Variants in LDLRAD4 observed in about 807,000 individuals in gnomAD.
LDLRAD4 encodes the protein low-density lipoprotein receptor class A domain-containing protein 4.
A neutral mutation model predicts 17.0 loss-of-function variants in LDLRAD4; 5 were observed. The ratio of observed to expected loss-of-function variants is 0.29; its 90% CI spans 0.15 to 0.62. The LOEUF is 0.62. Ranked by LOEUF, LDLRAD4 falls within the 20% of genes least tolerant of loss-of-function variation. LDLRAD4 has a pLI of 0.84. For missense variants in LDLRAD4, 340 were observed against 424.7 expected (o/e 0.80, Z 1.75); for synonymous variants, 168 against 171.8 (o/e 0.98, Z 0.17).
intron 1 of LDLRAD4, among the ~76,000 whole-genome samples, chr18:13,320,433 C>G (rs952440791): frequency 2.6e-5 from 4 of 152,194 alleles, no homozygotes; most frequent in Non-Finnish European, 5.9e-5. Context: ...ACTTTTAACC[C>G]TGTCTGAGCC....
In LDLRAD4 at chr18:13,234,316, C is replaced by T. The variant is rs148363577; in HGVS notation, c.-467+15328C>T. Among the ~76,000 whole-genome samples, 855 of 152,334 alleles carry T rather than the reference C, an allele frequency of 5.6e-3. 6 individuals are homozygous for T. The highest frequency in any genetic ancestry group is 6.5e-3 in the Non-Finnish European group (444 of 68,012). On this transcript the variant is annotated intron_variant, in intron 1 of 5. Transcript: ENST00000399848. ...CCCTACCCAGAACTCTCCCTGGGTG[C>T]GCACATTAGTCGCCTGGCTTTGCCC...
At chr18:13,624,456 C>T (rs117372082) in intron 4 of LDLRAD4, among the ~76,000 whole-genome samples, 2,058 of 152,364 alleles carry the variant, frequency 0.014, 38 homozygotes, top group Non-Finnish European at 0.021. Flanking sequence ...GCCCCGCCTC[C>T]GCCACCAGCA....
At chr18:13,651,866 C>G (rs1039531242) in exon 6 of LDLRAD4, 3 of 152,122 alleles carry the variant, frequency 2.0e-5, no homozygotes, top group African/African-American at 7.2e-5. Context: ...TAATCATACC[C>G]CTAACATCCA....
intron 3 of LDLRAD4, among the ~76,000 whole-genome samples, chr18:13,535,920 A>G (rs1289385175): frequency 6.6e-6 from 1 of 152,314 alleles, no homozygotes; most frequent in East Asian, 1.9e-4. Flanking sequence ...CTTTTCCCCC[A>G]TTGAATTACC....
intron 4 of LDLRAD4, chr18:13,642,413 C>G (rs1568445966): frequency 8.9e-7 from 1 of 1,122,146 alleles, no homozygotes; most frequent in African/African-American, 1.6e-5. Flanking sequence ...TTTCCCAGCA[C>G]GCGTGGGGCC....
At chr18:13,414,199 A>AG (rs149791732) in intron 2 of LDLRAD4, among the ~76,000 whole-genome samples, 3,186 of 152,332 alleles carry the variant, frequency 0.021, 107 homozygotes, top group African/African-American at 0.074. Flanking sequence ...TCTTGGTTGA[A>AG]GGGACAGCAG....
In LDLRAD4 at chr18:13,599,283, A is replaced by G. The variant is rs2148617167; in HGVS notation, c.182-21834A>G. 2.0e-5 allele frequency among the ~76,000 whole-genome samples: 3 copies of G among 152,252 alleles called. 1 individual carries two copies. The Middle Eastern group carries it at 0.01, about 518-fold the overall frequency. ...GAGTGGGTTGTGGCTCAAGTGCCAC[A>G]GACTGTCACTGTTCTTACAATGGAA... On this transcript the variant is annotated intron_variant, in intron 3 of 5. Transcript: ENST00000359446.
intron 3 of LDLRAD4, among the ~76,000 whole-genome samples, chr18:13,499,998 T>C (rs890691415): frequency 6.6e-6 from 1 of 152,206 alleles, no homozygotes; most frequent in African/African-American, 2.4e-5. Flanking sequence ...ACCTTCCTGA[T>C]TGACAGGGAC....
At chr18:13,514,738 G>C (rs1319599609) in intron 3 of LDLRAD4, 1 of 152,250 alleles carries the variant, frequency 6.6e-6, no homozygotes, top group Non-Finnish European at 1.5e-5. Flanking sequence ...CAGGCTTAAT[G>C]CAATGCAGCT....
Position 13,528,846 on chromosome 18 carries a change from A to G in LDLRAD4, c.181+90462A>G, listed in dbSNP as rs901107031. 4.6e-5 allele frequency among the ~76,000 whole-genome samples: 7 copies of G among 152,192 alleles called. No individual in the cohort carries two copies. In the East Asian group the frequency reaches 1.3e-3, roughly 29 times the overall value. Reference sequence around the variant, plus strand: ...GGATACATGACTCCCAGGGGGTTCCAGGAAGATGCAGATTCTGATTCTGAT... The same window carrying G: ...GGATACATGACTCCCAGGGGGTTCCGGGAAGATGCAGATTCTGATTCTGAT... On this transcript the variant is annotated intron_variant, in intron 3 of 5. Transcript: ENST00000359446.
chr18:13,503,703 G>C (rs1302562817), intron 3 of LDLRAD4, among the ~76,000 whole-genome samples: 2 of 151,680 alleles, frequency 1.3e-5, no homozygotes, highest in African/African-American at 4.8e-5. Flanking sequence ...TCTGAAGTGA[G>C]TTTGGTTTTA....
chr18:13,539,917 TTGCTA>T (rs1486987910), intron 3 of LDLRAD4, among the ~76,000 whole-genome samples: 1 of 152,212 alleles, frequency 6.6e-6, no homozygotes, highest in Non-Finnish European at 1.5e-5. Flanking sequence ...TGGGGCCACA[TTGCTA>T]TGCCTTGGGC....
At position 13,371,457 on chromosome 18, in the gene LDLRAD4, G is replaced by A. The variant is rs79288921; in HGVS notation, c.-382-15884G>A. Among the ~76,000 whole-genome samples the A allele has an allele frequency of 6.1e-3, 934 of 152,336 alleles. 8 individuals carry two copies. Among genetic ancestry groups the A allele is most frequent in the Non-Finnish European group, 9.7e-3 (657 of 68,026 alleles). ...GAGTGCACTGGTGCACTGTCCACTAGGGAGGCTGAGTACATCAGAACCCAC... is the reference window on the plus strand; with the variant it reads ...GAGTGCACTGGTGCACTGTCCACTAAGGAGGCTGAGTACATCAGAACCCAC... On this transcript the variant is annotated intron_variant, in intron 1 of 5. Coordinates refer to ENST00000359446, the Ensembl canonical transcript of LDLRAD4.
At chr18:13,451,517 C>T (rs999674160) in intron 3 of LDLRAD4, among the ~76,000 whole-genome samples, 2 of 152,220 alleles carry the variant, frequency 1.3e-5, no homozygotes, top group African/African-American at 4.8e-5. Context: ...ATGTAGCCTG[C>T]AGAACCCAGA....
At chr18:13,589,178 C>A (rs778473137) in intron 3 of LDLRAD4, among the ~76,000 whole-genome samples, 12 of 152,152 alleles carry the variant, frequency 7.9e-5, no homozygotes, top group Non-Finnish European at 1.5e-4. Flanking sequence ...AAGTGATCCA[C>A]CCATCTCAGC....
intron 2 of LDLRAD4, among the ~76,000 whole-genome samples, chr18:13,431,323 T>C (rs12965816): frequency 0.64 from 97,419 of 152,112 alleles, 32,148 homozygotes; most frequent in African/African-American, 0.82. Flanking sequence ...TACTGTTCTA[T>C]GTAAGAAGTG....
chr18:13,425,329 T>A (rs184602647), intron 2 of LDLRAD4, among the ~76,000 whole-genome samples: 2 of 152,188 alleles, frequency 1.3e-5, no homozygotes, highest in African/African-American at 4.8e-5. Context: ...AAACTTGCTT[T>A]CATTTATATT....
intron 3 of LDLRAD4, among the ~76,000 whole-genome samples, chr18:13,469,910 G>A (rs751029150): frequency 1.3e-5 from 2 of 152,178 alleles, no homozygotes; most frequent in Non-Finnish European, 2.9e-5. Flanking sequence ...GCTGGCCTGG[G>A]CAACATAGTG....
At chr18:13,359,473 A>G (rs1355235095) in intron 1 of LDLRAD4, among the ~76,000 whole-genome samples, 1 of 152,120 alleles carries the variant, frequency 6.6e-6, no homozygotes, top group Non-Finnish European at 1.5e-5. Flanking sequence ...TGCTTGTCAC[A>G]TGATGTACTT....
Sources: allele counts gnomAD v4.1 joint callset (sites outside exome capture counted in the v4.1 genomes callset), GRCh38; gene constraint gnomAD v4.1.1; transcripts MANE v1.5; gene names NCBI Gene and HGNC (gene_info 2026-07-23, HGNC 2026-07-21).